CNTN5: variants seen among roughly 807,000 people sequenced by gnomAD.
CNTN5 encodes the protein contactin 5, also known as contactin-5.
In CNTN5, 77 loss-of-function variants were observed where a neutral mutation model predicts 129.1. The observed-to-expected ratio is 0.60, with a 90% CI of 0.50 to 0.72. CNTN5 has a LOEUF of 0.72. Ranked by LOEUF, CNTN5 falls within the 30% of genes least tolerant of loss-of-function variation. The pLI is 0.00. For synonymous variants in CNTN5, 509 were observed against 465.6 expected, an observed-to-expected ratio of 1.09 and a Z score of -1.20; for missense variants, 1,478 against 1,328.8, an observed-to-expected ratio of 1.11 and a Z score of -1.75.
At chr11:99,897,251 A>T (rs1232823399) in intron 6 of CNTN5, among the ~76,000 whole-genome samples, 1 of 152,208 alleles carries the variant, frequency 6.6e-6, no homozygotes, top group African/African-American at 2.4e-5. Flanking sequence ...ATAAATAATT[A>T]AAAAATATTG....
intron 3 of CNTN5, among the ~76,000 whole-genome samples, chr11:99,817,674 G>A (rs944068514): frequency 1.4e-5 from 2 of 138,866 alleles, no homozygotes; most frequent in Non-Finnish European, 3.0e-5. Context: ...AGATTGCACT[G>A]AGAAATGAAT....
intron 1 of CNTN5, among the ~76,000 whole-genome samples, chr11:99,309,312 T>G (rs1461674): frequency 0.94 from 142,149 of 151,416 alleles, 66,775 homozygotes; most frequent in East Asian, 1. Context: ...AAAAAATGTT[T>G]CACTTTGTTC....
At chr11:99,651,985 G>C (rs1012096813) in intron 3 of CNTN5, among the ~76,000 whole-genome samples, 1 of 152,004 alleles carries the variant, frequency 6.6e-6, no homozygotes, top group African/African-American at 2.4e-5. Flanking sequence ...CACAAACTTG[G>C]CAGCACAAAC....
intron 3 of CNTN5, among the ~76,000 whole-genome samples, chr11:99,646,809 TAAAAAAA>T (rs5794011): frequency 7.6e-6 from 1 of 131,810 alleles, no homozygotes; most frequent in Non-Finnish European, 1.6e-5. Flanking sequence ...TGTCAATTCT[TAAAAAAA>T]AAAAAAAAAA....
chr11:100,259,759 G>C (rs995030930), intron 17 of CNTN5, among the ~76,000 whole-genome samples: 4 of 151,802 alleles, frequency 2.6e-5, no homozygotes, highest in African/African-American at 9.7e-5. Context: ...AGAACAAAGA[G>C]ACAACATACT....
intron 23 of CNTN5, 149 bp downstream of exon 23, chr11:100,341,354 T>C (rs1204055641): frequency 7.9e-6 from 5 of 631,680 alleles, no homozygotes; most frequent in Admixed American, 2.9e-5. Context: ...ATAGCCTTCC[T>C]ATAGATAGAG....
intron 1 of CNTN5, among the ~76,000 whole-genome samples, chr11:99,171,060 T>TA (rs1861125923): frequency 6.7e-6 from 1 of 148,482 alleles, no homozygotes; most frequent in African/African-American, 2.6e-5. Context: ...ACACTGAATA[T>TA]ATTAGTTTTT....
At chr11:99,325,209 T>C (rs1865732189) in intron 1 of CNTN5, 137 bp from the exon 2 acceptor site, 1 of 152,012 alleles carries the variant, frequency 6.6e-6, no homozygotes, top group Non-Finnish European at 1.5e-5. Flanking sequence ...TTTATATGGG[T>C]AAAAAGCATA....
intron 14 of CNTN5, among the ~76,000 whole-genome samples, chr11:100,192,811 C>T (rs1948531432): frequency 2.0e-5 from 3 of 151,902 alleles, no homozygotes; most frequent in Admixed American, 2.0e-4. Flanking sequence ...TAAACATAAA[C>T]ATTGTTTTCT....
At chr11:99,201,351 T>TTCCTTCCTCCCTTCCTTCCTTCCTTCC (rs59358470) in intron 1 of CNTN5, among the ~76,000 whole-genome samples, 1 of 88,154 alleles carries the variant, frequency 1.1e-5, no homozygotes. Flanking sequence ...CTTCCTTTCC[T>TTCCTTCCTCCCTTCCTTCCTTCCTTCC]TTCCTTCCTT....
intron 2 of CNTN5, among the ~76,000 whole-genome samples, chr11:99,469,743 A>T (rs527449545): frequency 4.7e-4 from 72 of 151,950 alleles, no homozygotes; most frequent in African/African-American, 1.6e-3. Context: ...TAAATTTTTA[A>T]ATTTTTTTTT....
chr11:99,249,811 T>G (rs1358709502), intron 1 of CNTN5, among the ~76,000 whole-genome samples: 1 of 151,972 alleles, frequency 6.6e-6, no homozygotes, highest in Non-Finnish European at 1.5e-5. Flanking sequence ...AAATACAATT[T>G]CTTTAGTGTT....
At chr11:99,926,024 C>A (rs10791060) in intron 7 of CNTN5, among the ~76,000 whole-genome samples, 139,479 of 152,150 alleles carry the variant, frequency 0.92, 63,974 homozygotes, top group East Asian at 1. Flanking sequence ...TTGCCTGTAG[C>A]GAAGGAATAA....
chr11:100,292,509 G>A (rs1477772574), intron 18 of CNTN5, among the ~76,000 whole-genome samples: 1 of 151,958 alleles, frequency 6.6e-6, no homozygotes, highest in Non-Finnish European at 1.5e-5. Context: ...AAGTAGCTCA[G>A]TATGAAATTG....
At chr11:99,638,634 C>T (rs1380075111) in intron 3 of CNTN5, among the ~76,000 whole-genome samples, 1 of 152,164 alleles carries the variant, frequency 6.6e-6, no homozygotes, top group African/African-American at 2.4e-5. Flanking sequence ...GAGAAATCGG[C>T]TAAAACAAAG....
chr11:100,152,794 T>C (rs975332127), intron 13 of CNTN5, among the ~76,000 whole-genome samples: 3 of 152,246 alleles, frequency 2.0e-5, no homozygotes, highest in East Asian at 3.9e-4. Flanking sequence ...TCATCTATAA[T>C]ACAAAATGCT....
At chr11:99,476,088 A>G (rs1170123079) in intron 2 of CNTN5, among the ~76,000 whole-genome samples, 1 of 151,972 alleles carries the variant, frequency 6.6e-6, no homozygotes, top group African/African-American at 2.4e-5. Context: ...TTTTCCCCCA[A>G]AGAAAGGATG....
At chr11:99,438,697 A>T (rs772939591) in intron 2 of CNTN5, among the ~76,000 whole-genome samples, 1 of 152,138 alleles carries the variant, frequency 6.6e-6, no homozygotes, top group Non-Finnish European at 1.5e-5. Flanking sequence ...CTAATTTTTC[A>T]CTCATTGAGG....
chr11:99,030,736 T>C (rs1370343074), intron 1 of CNTN5, among the ~76,000 whole-genome samples: 3 of 151,882 alleles, frequency 2.0e-5, no homozygotes, highest in African/African-American at 4.8e-5. Context: ...AGTGATCTTA[T>C]GAAACAGACT....
Sources: allele counts gnomAD v4.1 joint callset (sites outside exome capture counted in the v4.1 genomes callset), GRCh38; gene constraint gnomAD v4.1.1; transcripts MANE v1.5; gene names NCBI Gene and HGNC (gene_info 2026-07-23, HGNC 2026-07-21).